Variants in GSN observed in about 807,000 individuals in gnomAD.
The protein encoded by GSN is actin-depolymerizing factor.
A neutral mutation model predicts 85.7 loss-of-function variants in GSN; 56 were observed. That is an observed-to-expected ratio of 0.65 (90% CI 0.53 to 0.82). The LOEUF is 0.82. Ranked by LOEUF, GSN falls within the 40% of genes least tolerant of loss-of-function variation. The probability of loss-of-function intolerance (pLI) is 0.00; values close to 1 mark genes in which losing one functional copy is unlikely to be tolerated. For missense variants in GSN, 857 were observed against 979.8 expected (o/e 0.87, Z 1.67); for synonymous variants, 373 against 399.1 (o/e 0.93, Z 0.78).
chr9:121,291,479 C>A (rs545733330), intron 2 of GSN, among the ~76,000 whole-genome samples: 1 of 147,034 alleles, frequency 6.8e-6, no homozygotes, highest in Non-Finnish European at 1.5e-5. Flanking sequence ...AGTGCAGTGG[C>A]GCGATCTCGG....
At position 121,223,503 on chromosome 9, in the gene GSN, A is replaced by G. The variant is rs987094405; in HGVS notation, c.-527-7662A>G. Among the ~76,000 whole-genome samples the G allele has an allele frequency of 2.3e-4, 35 of 152,126 alleles. 1 individual carries two copies. The highest frequency in any genetic ancestry group is 3.9e-4 in the Admixed American group (6 of 15,274). On this transcript the variant is annotated intron_variant, in intron 4 of 24. Transcript: ENST00000373823. ...AAAGGACACCTGATAAACGTTCACA[A>G]TTTGTCACCAAAGTATATATCATGG... is the stretch of plus-strand genomic sequence containing the variant.
At chr9:121,211,028 C>T (rs959874693) in intron 4 of GSN, among the ~76,000 whole-genome samples, 4 of 152,254 alleles carry the variant, frequency 2.6e-5, no homozygotes, top group South Asian at 2.1e-4. Flanking sequence ...CTGACACATG[C>T]GACAACAAGG....
chr9:121,235,903 G>A (rs775343281), intron 5 of GSN, among the ~76,000 whole-genome samples: 1 of 152,162 alleles, frequency 6.6e-6, no homozygotes, highest in East Asian at 1.9e-4. Context: ...TAGCAGTCTC[G>A]GCCACATATT....
Position 121,250,855 on chromosome 9 carries a change from T to C in GSN, c.-341+2532T>C, listed in dbSNP as rs16910449. Among the ~76,000 whole-genome samples, 1,157 of 146,736 alleles carry C rather than the reference T, an allele frequency of 7.9e-3. 14 individuals carry two copies. Among genetic ancestry groups the C allele is most frequent in the African/African-American group, 0.028 (1,102 of 39,738 alleles). On this transcript the variant is annotated intron_variant, in intron 6 of 24. Coordinates refer to the GSN transcript ENST00000373823. ...CCCCTCCAATCCTTCCCTTTTTTGC[T>C]TATCATGCCTGCTTGGGGTGTGTGT...
intron 11 of GSN, among the ~76,000 whole-genome samples, chr9:121,322,644 C>T (rs184251831): frequency 1.4e-3 from 216 of 152,276 alleles, no homozygotes; most frequent in African/African-American, 5.0e-3. Context: ...GTGTTCGTAG[C>T]ATTTTACATT....
intron 2 of GSN, among the ~76,000 whole-genome samples, chr9:121,288,707 G>A (rs2058386034): frequency 6.6e-6 from 1 of 152,148 alleles, no homozygotes; most frequent in Non-Finnish European, 1.5e-5. Context: ...CCTTCCTGAT[G>A]TGAATCACCA....
At chr9:121,214,511 A>G (rs561166888) in intron 4 of GSN, among the ~76,000 whole-genome samples, 1 of 152,226 alleles carries the variant, frequency 6.6e-6, no homozygotes, top group Non-Finnish European at 1.5e-5. Flanking sequence ...GGTTCATGGT[A>G]GTGTACAAAA....
At chr9:121,322,911 A>C (rs1324347757) in intron 11 of GSN, among the ~76,000 whole-genome samples, 1 of 151,106 alleles carries the variant, frequency 6.6e-6, no homozygotes, top group African/African-American at 2.4e-5. Flanking sequence ...GCTCACCACA[A>C]CCTCTGCCCC....
chr9:121,286,141 G>T (rs774359781), intron 2 of GSN: 6 of 1,535,504 alleles, frequency 3.9e-6, no homozygotes, highest in Middle Eastern at 3.3e-4. Flanking sequence ...CCCCAGCCTC[G>T]CGATGGCCGA....
chr9:121,310,559 T>G, intron 4 of GSN, 125 bp from the exon 5 acceptor site: 1 of 810,680 alleles, frequency 1.2e-6, no homozygotes, highest in Non-Finnish European at 2.1e-6. Flanking sequence ...TGAGAATCAC[T>G]GTGTTGCTGG....
At chr9:121,308,504 A>C (rs2060680315) in intron 4 of GSN, 1 of 152,218 alleles carries the variant, frequency 6.6e-6, no homozygotes, top group African/African-American at 2.4e-5. Flanking sequence ...ACATGGTGAA[A>C]CTTCATCTCT....
chr9:121,315,327 T>C (rs1332539396), intron 7 of GSN, among the ~76,000 whole-genome samples: 1 of 152,246 alleles, frequency 6.6e-6, no homozygotes, highest in Non-Finnish European at 1.5e-5. Flanking sequence ...AAATCCTGAT[T>C]GATGGACATT....
intron 5 of GSN, among the ~76,000 whole-genome samples, chr9:121,240,988 A>C (rs2054593062): frequency 1.3e-5 from 2 of 152,206 alleles, no homozygotes; most frequent in African/African-American, 4.8e-5. Flanking sequence ...AGATGGTATA[A>C]TTCCATCTTG....
chr9:121,249,204 A>G (rs540552862), intron 6 of GSN, among the ~76,000 whole-genome samples: 1 of 152,216 alleles, frequency 6.6e-6, no homozygotes, highest in Non-Finnish European at 1.5e-5. Flanking sequence ...CACACCTGTA[A>G]TCCCAGCACT....
chr9:121,326,401 C>T (rs998640659), intron 12 of GSN, 111 bp from the exon 13 acceptor site: 4 of 869,734 alleles, frequency 4.6e-6, no homozygotes, highest in Non-Finnish European at 5.7e-6. Flanking sequence ...TTCCATGCCA[C>T]ACACAGACAC....
chr9:121,227,125 G>A (rs1168767864), intron 4 of GSN, among the ~76,000 whole-genome samples: 1 of 152,172 alleles, frequency 6.6e-6, no homozygotes, highest in Non-Finnish European at 1.5e-5. Flanking sequence ...TTGGCATGGT[G>A]GCTCACACTC....
At chr9:121,207,115 T>C (rs949506543), upstream of GSN, among the ~76,000 whole-genome samples, 1 of 152,252 alleles carries the variant, frequency 6.6e-6, no homozygotes, top group Non-Finnish European at 1.5e-5. Flanking sequence ...GTTGAAATAA[T>C]GCGAGTTAAA....
intron 6 of GSN, chr9:121,312,789 G>A: frequency 4.9e-6 from 1 of 203,756 alleles, no homozygotes; most frequent in South Asian, 1.1e-4. Flanking sequence ...TACCAAGCCA[G>A]GCTAACTTTT....
chr9:121,232,696 A>G (rs751481246), intron 5 of GSN, among the ~76,000 whole-genome samples: 1 of 152,260 alleles, frequency 6.6e-6, no homozygotes, highest in Non-Finnish European at 1.5e-5. Context: ...TGAGCCAAGA[A>G]AATAAAAAGT....
Sources: gnomAD v4.1 joint callset for allele counts (sites outside exome capture counted in the v4.1 genomes callset) on GRCh38, gnomAD v4.1.1 for gene constraint, MANE v1.5 for transcripts, NCBI Gene and HGNC (gene_info 2026-07-23, HGNC 2026-07-21) for gene names.